Variants in PCDHGA3 observed in about 807,000 individuals in gnomAD.
PCDHGA3 encodes the protein protocadherin gamma subfamily A, 3.
In PCDHGA3, 40 loss-of-function variants were observed where a neutral mutation model predicts 58.5. The observed-to-expected ratio is 0.68, with a 90% CI of 0.53 to 0.89. The LOEUF (loss-of-function observed/expected upper bound fraction) is 0.89, where lower values mean the gene tolerates loss of function less well. PCDHGA3 is among the 40% of genes least tolerant of loss of function. The pLI is 0.00. For synonymous variants in PCDHGA3, 530 were observed against 525.7 expected (o/e 1.01, Z -0.11); for missense variants, 1,223 against 1,195.9 (o/e 1.02, Z -0.33).
intron 1 of PCDHGA3, chr5:141,422,129 A>T: frequency 6.3e-7 from 1 of 1,599,702 alleles, no homozygotes; most frequent in East Asian, 2.2e-5. Flanking sequence ...CAAACTGGAG[A>T]AGTTCAAGTA....
At chr5:141,368,971 T>G (rs1220013260) in intron 1 of PCDHGA3, among the ~76,000 whole-genome samples, 3 of 152,208 alleles carry the variant, frequency 2.0e-5, no homozygotes, top group Non-Finnish European at 4.4e-5. Context: ...GCTATAATGC[T>G]TTTCCACTAT....
intron 1 of PCDHGA3, among the ~76,000 whole-genome samples, chr5:141,369,837 A>G (rs1029246557): frequency 2.6e-5 from 4 of 152,164 alleles, no homozygotes; most frequent in Non-Finnish European, 5.9e-5. Flanking sequence ...ATGATTTTCT[A>G]TGTATTATTT....
rs923900490 is a variant in PCDHGA3, at chr5:141,383,761, C to T, written c.2424+37304C>T. 6 of 1,613,834 alleles carry T rather than the reference C, an allele frequency of 3.7e-6. No individual in the cohort carries two copies. The Admixed American group carries it at 1.0e-4, about 27-fold the overall frequency. Reference sequence around the variant, plus strand: ...TTCTTTTCGGAAAATAACTCCTAAACTTCCAAAGATGTTTCATCTGAACTC... The same window carrying T: ...TTCTTTTCGGAAAATAACTCCTAAATTTCCAAAGATGTTTCATCTGAACTC... On this transcript the variant is annotated intron_variant, in intron 1 of 3. Coordinates refer to ENST00000253812, the MANE Select transcript of PCDHGA3 (RefSeq NM_018916.4).
chr5:141,487,748 T>A lies in PCDHGA3; in HGVS notation c.2425-7059T>A, dbSNP rs1458153935. ...TGTCACCATTTTTGTAAGAGGTAACTATGTGGTAGACGCTGTGCTTTGTAA... is the reference window on the plus strand; with the variant it reads ...TGTCACCATTTTTGTAAGAGGTAACAATGTGGTAGACGCTGTGCTTTGTAA... On this transcript the variant is annotated intron_variant, in intron 1 of 3. Transcript: ENST00000253812. This position sits in a 1 kb window ranked among gnomAD's most constrained non-coding sequence, Gnocchi z 5.0. 6.4e-7 allele frequency: 1 copy of A among 1,557,554 alleles called. No homozygotes were observed. The highest frequency in any genetic ancestry group is 1.2e-5 in the South Asian group (1 of 84,814).
At position 141,491,770 on chromosome 5, in the gene PCDHGA3, G is replaced by C. The variant is rs1230581925; in HGVS notation, c.2425-3037G>C. 1 of 1,560,888 alleles carries C rather than the reference G, an allele frequency of 6.4e-7. No individual in the cohort carries two copies. Among genetic ancestry groups the C allele is most frequent in the Non-Finnish European group, 8.7e-7 (1 of 1,154,942 alleles). On this transcript the variant is annotated intron_variant, in intron 1 of 3. Coordinates refer to ENST00000253812, the MANE Select transcript of PCDHGA3 (RefSeq NM_018916.4). This position sits in a 1 kb window ranked among gnomAD's most constrained non-coding sequence, Gnocchi z 6.9. ...TGGAGAAGCCGCCCGTCCTCATAAG[G>C]GATTGAACTTGCATCCACTCCTCTC...
intron 1 of PCDHGA3, chr5:141,399,842 A>T (rs749737928): frequency 6.2e-7 from 1 of 1,612,970 alleles, no homozygotes; most frequent in South Asian, 1.1e-5. Context: ...GCGCTCTTCG[A>T]TATGGTGCCG....
chr5:141,394,705 C>T lies in PCDHGA3; in HGVS notation c.2424+48248C>T, dbSNP rs1245348426. 6.2e-7 allele frequency: 1 copy of T among 1,613,256 alleles called. No individual in the cohort carries two copies. The highest frequency in any genetic ancestry group is 1.7e-5 in the Admixed American group (1 of 60,012). ...ACGGGCGAGGTGCGCACGGCGCGAG[C>T]CCTGCTGGACAGAGATGCGCTCAAG... On this transcript the variant is annotated intron_variant, in intron 1 of 3. Coordinates refer to ENST00000253812, the MANE Select transcript of PCDHGA3 (RefSeq NM_018916.4).
rs761227475 is a variant in PCDHGA3 at position 141,489,382 on chromosome 5, G to A, written c.2425-5425G>A. 4 of 1,613,872 alleles carry A rather than the reference G, an allele frequency of 2.5e-6. No homozygotes were observed. The highest frequency in any genetic ancestry group is 1.7e-5 in the Admixed American group (1 of 60,006). On this transcript the variant is annotated intron_variant, in intron 1 of 3. Coordinates refer to ENST00000253812, the MANE Select transcript of PCDHGA3 (RefSeq NM_018916.4). The surrounding 1 kb of genome is among the most constrained non-coding windows in gnomAD (Gnocchi z 4.5). ...TGAGCCGGGGACGCTGGTGGGGAATGTTGCTCAGGATCTGGGCTTAAAGAT... is the reference window on the plus strand; with the variant it reads ...TGAGCCGGGGACGCTGGTGGGGAATATTGCTCAGGATCTGGGCTTAAAGAT...
chr5:141,366,586 CTA>C, intron 1 of PCDHGA3: 1 of 1,614,262 alleles, frequency 6.2e-7, no homozygotes, highest in Non-Finnish European at 8.5e-7. Flanking sequence ...TCCTGCAGAC[CTA>C]TTCCCACGAG....
intron 1 of PCDHGA3, among the ~76,000 whole-genome samples, chr5:141,492,631 A>G (rs1203365582): frequency 6.6e-6 from 1 of 152,184 alleles, no homozygotes; most frequent in Non-Finnish European, 1.5e-5. Flanking sequence ...GCAGGACTCT[A>G]CGATCCTTGG....
Position 141,361,516 on chromosome 5 carries a change from G to A in PCDHGA3, c.2424+15059G>A, listed in dbSNP as rs750174731. ...CCAACAGACTTCCTACATGGTTCAC[G>A]TGGCAGAGAACAATCCTCCTGGCGC... is the stretch of plus-strand genomic sequence containing the variant. On this transcript the variant is annotated intron_variant, in intron 1 of 3. Coordinates refer to ENST00000253812, the MANE Select transcript of PCDHGA3 (RefSeq NM_018916.4). The A allele has an allele frequency of 8.7e-6, 14 of 1,613,942 alleles. No homozygotes were observed. Among genetic ancestry groups the A allele is most frequent in the South Asian group, 7.7e-5 (7 of 91,088 alleles).
At chr5:141,458,130 C>A (rs1441742986) in intron 1 of PCDHGA3, among the ~76,000 whole-genome samples, 2 of 152,248 alleles carry the variant, frequency 1.3e-5, no homozygotes, top group African/African-American at 4.8e-5. Flanking sequence ...AGGAACCAGG[C>A]AGAGAAAAAT....
chr5:141,455,314 T>G (rs565911988), intron 1 of PCDHGA3, among the ~76,000 whole-genome samples: 15 of 152,208 alleles, frequency 9.9e-5, no homozygotes, highest in African/African-American at 3.4e-4. Flanking sequence ...ATTAGCAATT[T>G]TGTGTGTGTG....
At chr5:141,352,240 C>T in intron 1 of PCDHGA3, 1 of 1,614,078 alleles carries the variant, frequency 6.2e-7, no homozygotes, top group Non-Finnish European at 8.5e-7. Context: ...ACCTAATCTT[C>T]GCGGATAGCC....
intron 1 of PCDHGA3, chr5:141,413,462 G>C (rs750915907): frequency 1.9e-6 from 3 of 1,614,120 alleles, no homozygotes; most frequent in Non-Finnish European, 2.5e-6. Flanking sequence ...AGGATAGACC[G>C]GGAGGAGCTC....
intron 1 of PCDHGA3, chr5:141,382,716 C>A (rs11575956): frequency 2.0e-6 from 1 of 488,008 alleles, no homozygotes; most frequent in Non-Finnish European, 3.5e-6. Context: ...CAGAAACCAC[C>A]GAGTTTTACA....
chr5:141,394,961 G>A, intron 1 of PCDHGA3: 1 of 1,613,920 alleles, frequency 6.2e-7, no homozygotes, highest in Non-Finnish European at 8.5e-7. Flanking sequence ...GGCTCAGGCT[G>A]AGGCGCTGGC....
intron 1 of PCDHGA3, chr5:141,433,358 CCTATCTATCTATCTAT>C (rs3074541): frequency 2.0e-4 from 99 of 504,042 alleles, no homozygotes; most frequent in East Asian, 3.1e-4. Flanking sequence ...CTACTGTCTG[CCTATCTATCTATCTAT>C]CTATCTATCT....
chr5:141,355,731 C>T, intron 1 of PCDHGA3: 1 of 1,614,004 alleles, frequency 6.2e-7, no homozygotes, highest in Non-Finnish European at 8.5e-7. Context: ...CAAACGGTTA[C>T]TTTTCCCTGG....
Sources: gnomAD v4.1 joint callset for allele counts (sites outside exome capture counted in the v4.1 genomes callset) on GRCh38, gnomAD v4.1.1 for gene constraint, Gnocchi (gnomAD v3.1) non-coding constraint, MANE v1.5 for transcripts, NCBI Gene and HGNC (gene_info 2026-07-23, HGNC 2026-07-21) for gene names.